NALF2: variants seen among roughly 807,000 people sequenced by gnomAD.
NALF2 encodes the protein bB57D9.1 (TED protein).
Under a neutral mutation model 24.8 loss-of-function variants are expected in NALF2, and 1 was observed. The observed-to-expected ratio is 0.04, with a 90% confidence interval of 0.01 to 0.19. The LOEUF (loss-of-function observed/expected upper bound fraction) is 0.19. NALF2 is among the 10% of genes least tolerant of loss of function. The probability of loss-of-function intolerance (pLI) is 1.00; values close to 1 mark genes in which losing one functional copy is unlikely to be tolerated. For synonymous variants in NALF2, 254 were observed against 189.8 expected (o/e 1.34, Z -2.78); for missense variants, 458 against 409.6 (o/e 1.12, Z -1.02).
intron 1 of NALF2, among the ~76,000 whole-genome samples, chrX:69,506,960 C>G (rs1458769081): frequency 8.9e-6 from 1 of 112,448 alleles, no homozygotes; most frequent in Non-Finnish European, 1.9e-5. Flanking sequence ...TAGGGAAGAG[C>G]TGAGTGTTAA....
chrX:69,518,101 G>C (rs1276526042), intron 1 of NALF2, among the ~76,000 whole-genome samples: 1 of 111,964 alleles, frequency 8.9e-6, no homozygotes, highest in Non-Finnish European at 1.9e-5. Context: ...AGCTCCCAAA[G>C]CTCCCCTCGT....
rs1205853370 is a variant in NALF2 at position 69,504,624 on chromosome X, G to A, written c.-659G>A. 8.8e-6 allele frequency among the ~76,000 whole-genome samples: 1 copy of A among 113,048 alleles called. No individual in the cohort carries two copies. Among genetic ancestry groups the A allele is most frequent in the African/African-American group, 3.2e-5 (1 of 31,303 alleles). ...GAACTCCAGGAGCAGCGGGTGCGGA[G>A]CCAGAGCGGAGCCCGCCAGGGACTG... On this transcript the variant is annotated 5_prime_UTR_variant, in exon 1 of 3. Transcript: ENST00000252338.
At position 69,505,335 on chromosome X, in the gene NALF2, TCTG is replaced by T. The variant is rs751154658; in HGVS notation, c.72_74del (p.Cys24del). 3,190 of 1,009,777 alleles carry T rather than the reference TCTG, an allele frequency of 3.2e-3. No homozygotes were observed. The highest frequency in any genetic ancestry group is 0.011 in the Admixed American group (367 of 32,793). The allele number at this position is 1,009,777 out of a possible 1,213,427, so 83.2% of individuals were successfully genotyped here. On this transcript the variant is annotated inframe_deletion, in exon 1 of 3. Transcript: ENST00000252338. Reference sequence around the variant, plus strand: ...GGGAAAGACGCCGCCGCGCTGACTATCTGCTGCTGCTGCTGCTGCTGGGCTCCC... The same window carrying T: ...GGGAAAGACGCCGCCGCGCTGACTATCTGCTGCTGCTGCTGCTGGGCTCCC...
chrX:69,523,800 T>C (rs6625475), intron 1 of NALF2, among the ~76,000 whole-genome samples: 39,687 of 109,743 alleles, frequency 0.36, 6,478 homozygotes, highest in East Asian at 0.65. Context: ...GTTTGAAGAG[T>C]CTAACATGCC....
In NALF2 at chrX:69,504,636, C is replaced by T. The variant is rs1930419064; in HGVS notation, c.-647C>T. Among the ~76,000 whole-genome samples the T allele has an allele frequency of 8.9e-6, 1 of 112,944 alleles. No homozygotes were observed. The highest frequency in any genetic ancestry group is 1.9e-5 in the Non-Finnish European group (1 of 53,052). On this transcript the variant is annotated 5_prime_UTR_variant, in exon 1 of 3. Coordinates refer to ENST00000252338, the MANE Select transcript of NALF2 (RefSeq NM_015686.3). ...CAGCGGGTGCGGAGCCAGAGCGGAG[C>T]CCGCCAGGGACTGGCCCCGGCGAAC... is the stretch of plus-strand genomic sequence containing the variant.
Position 69,505,942 on chromosome X carries a change from C to T in NALF2, c.660C>T (p.Ser220=), listed in dbSNP as rs374491730. 1.2e-5 allele frequency: 15 copies of T among 1,211,848 alleles called. No homozygotes were observed. The highest frequency in any genetic ancestry group is 2.2e-5 in the Admixed American group (1 of 46,129). Residue 220 remains serine (S), a synonymous_variant, in exon 1 of 3, where the codon AGC becomes AGT. Coordinates refer to ENST00000252338, the MANE Select transcript of NALF2 (RefSeq NM_015686.3). ...ACCGCCCCGACAGCCTGGACTGTAG[C>T]CTGGACACCCTGATGGGGGACCTGC... ...GMDRPDSLDC[S]LDTLMGDLLA... is the part of the protein sequence containing the mutation.
chrX:69,515,904 G>A (rs1481418539), intron 1 of NALF2, among the ~76,000 whole-genome samples: 1 of 112,112 alleles, frequency 8.9e-6, no homozygotes, highest in Non-Finnish European at 1.9e-5. Context: ...CCATTTTACA[G>A]AGGAGAAGAC....
intron 1 of NALF2, among the ~76,000 whole-genome samples, chrX:69,521,164 G>A (rs1284981649): frequency 1.8e-5 from 2 of 111,801 alleles, no homozygotes; most frequent in Non-Finnish European, 3.8e-5. Flanking sequence ...ATCCCACTTT[G>A]CGCCCTCTAA....
chrX:69,527,816 CT>C (rs776291586), intron 1 of NALF2, among the ~76,000 whole-genome samples: 5 of 111,200 alleles, frequency 4.5e-5, no homozygotes, highest in Non-Finnish European at 7.5e-5. Flanking sequence ...GGGGTGGAGC[CT>C]GAGATTCTGC....
rs1239245138 is a variant in NALF2 at position 69,530,131 on chromosome X, G to A, written c.*175G>A. 1.4e-5 allele frequency: 6 copies of A among 415,566 alleles called. No individual in the cohort carries two copies. The highest frequency in any genetic ancestry group is 1.3e-4 in the African/African-American group (5 of 39,449). The allele number at this position is 415,566 out of a possible 1,213,427, so 34.2% of individuals were successfully genotyped here. The stretch of plus-strand genomic sequence containing the variant: ...ACCCCAAAAGCAGCTCCAACAGAAT[G>A]GCCAGAGGGCCTCAGGGAGCTGCAA... On this transcript the variant is annotated 3_prime_UTR_variant, in exon 3 of 3. Coordinates refer to ENST00000252338, the MANE Select transcript of NALF2 (RefSeq NM_015686.3).
At position 69,515,284 on chromosome X, in the gene NALF2, C is replaced by A. The variant is rs371240052; in HGVS notation, c.861+9141C>A. 1.1e-4 allele frequency among the ~76,000 whole-genome samples: 12 copies of A among 112,151 alleles called. No individual in the cohort carries two copies. The South Asian group carries it at 3.7e-3, about 35-fold the overall frequency. Reference sequence around the variant, plus strand: ...ACAATATGTAGTGTGTTCTCCTGCCCCTCTGTGCAGGCTTACATAAACGTC... The same window carrying A: ...ACAATATGTAGTGTGTTCTCCTGCCACTCTGTGCAGGCTTACATAAACGTC... On this transcript the variant is annotated intron_variant, in intron 1 of 2. Coordinates refer to ENST00000252338, the MANE Select transcript of NALF2 (RefSeq NM_015686.3).
chrX:69,511,630 A>G (rs1379050384), intron 1 of NALF2, among the ~76,000 whole-genome samples: 2 of 111,483 alleles, frequency 1.8e-5, no homozygotes, highest in Non-Finnish European at 3.8e-5. Context: ...GGAAGGATAC[A>G]CTGGTATCTC....
At chrX:69,526,214 G>A (rs1434301822) in intron 1 of NALF2, among the ~76,000 whole-genome samples, 2 of 111,124 alleles carry the variant, frequency 1.8e-5, no homozygotes, top group Non-Finnish European at 3.8e-5. Context: ...TTTGTTTGCC[G>A]ACATACCTTT....
chrX:69,529,918 C>T lies in NALF2; in HGVS notation c.1381C>T (p.Leu461=). 2 of 1,209,194 alleles carry T rather than the reference C, an allele frequency of 1.7e-6. No homozygotes were observed. The highest frequency in any genetic ancestry group is 2.2e-6 in the Non-Finnish European group (2 of 894,385). ...TGGTGGGGGATTGGGGCTGGAGACA[C>T]TGCCTGCCCTAGAGGAGGGCCTGAC... ...QGGGGLGLET[L]PALEEGLTRE... The change falls in exon 3 of 3, where the codon CTG becomes TTG. Residue 461 remains leucine, a synonymous_variant. Transcript: ENST00000252338.
In NALF2 at chrX:69,530,056, G is replaced by A. The variant is rs754872405; in HGVS notation, c.*100G>A. 1.0e-5 allele frequency: 6 copies of A among 594,026 alleles called. No homozygotes were observed. The allele number at this position is 594,026 out of a possible 1,213,427, so 49.0% of individuals were successfully genotyped here. ...CCTCCCATGGGAGGTGTAGGATAAGGTGGGGGCGGGGGAAATGGGGGAATG... is the reference window on the plus strand; with the variant it reads ...CCTCCCATGGGAGGTGTAGGATAAGATGGGGGCGGGGGAAATGGGGGAATG... On this transcript the variant is annotated 3_prime_UTR_variant, in exon 3 of 3. Coordinates refer to ENST00000252338, the MANE Select transcript of NALF2 (RefSeq NM_015686.3).
chrX:69,513,526 T>C (rs1292298118), intron 1 of NALF2, among the ~76,000 whole-genome samples: 1 of 112,444 alleles, frequency 8.9e-6, no homozygotes, highest in East Asian at 2.8e-4. Context: ...TTTAAGAAGA[T>C]AGCATGGCTA....
At chrX:69,521,271 T>C (rs1930729706) in intron 1 of NALF2, among the ~76,000 whole-genome samples, 1 of 111,387 alleles carries the variant, frequency 9.0e-6, no homozygotes, top group Admixed American at 9.5e-5. Context: ...CACTTATTCT[T>C]TCCATATTCC....
chrX:69,523,110 C>G (rs767185747), intron 1 of NALF2, among the ~76,000 whole-genome samples: 43 of 112,477 alleles, frequency 3.8e-4, no homozygotes, highest in Admixed American at 2.0e-3. Context: ...ATTAGGAAGA[C>G]AAGCAGCCCT....
chrX:69,528,775 C>G (rs1446826189), intron 1 of NALF2, among the ~76,000 whole-genome samples: 1 of 112,247 alleles, frequency 8.9e-6, no homozygotes, highest in Non-Finnish European at 1.9e-5. Flanking sequence ...TCTTGGATGA[C>G]TGCAGACTGG....
Sources: gnomAD v4.1 joint callset for allele counts (sites outside exome capture counted in the v4.1 genomes callset) on GRCh38, gnomAD v4.1.1 for gene constraint, MANE v1.5 for transcripts, NCBI Gene and HGNC (gene_info 2026-07-23, HGNC 2026-07-21) for gene names.